The following CCDC110 variants were observed in gnomAD, a reference collection of about 807,000 sequenced individuals.
The protein encoded by CCDC110 is coiled-coil domain containing 110.
Under a neutral mutation model 77.1 loss-of-function variants are expected in CCDC110, and 70 were observed. That is an observed-to-expected ratio of 0.91 (90% CI 0.75 to 1.11). CCDC110 has a LOEUF of 1.11. Ranked by LOEUF, CCDC110 falls within the 50% of genes least tolerant of loss-of-function variation. CCDC110 has a pLI of 0.00. For missense variants in CCDC110, 868 were observed against 942.9 expected, an observed-to-expected ratio of 0.92 and a Z score of 1.04; for synonymous variants, 295 against 312.5, an observed-to-expected ratio of 0.94 and a Z score of 0.59.
chr4:185,449,532 AAAG>A, intron 6 of CCDC110: 1 of 1,108,592 alleles, frequency 9.0e-7, no homozygotes, highest in Non-Finnish European at 1.3e-6. Flanking sequence ...TAAAAAAAAA[AAAG>A]AATGTACAGG....
rs147552153 is a variant in CCDC110 at position 185,461,623 on chromosome 4, T to C, written c.238-464A>G. Among the ~76,000 whole-genome samples, 797 of 152,326 alleles carry C rather than the reference T, an allele frequency of 5.2e-3. 13 individuals carry two copies. The highest frequency in any genetic ancestry group is 0.018 in the African/African-American group (741 of 41,566). ...AGACTTCTGTTTATACTTCTCCTTA[T>C]TTCTTCTGGATGAAGCGTGGTTATG... On this transcript the variant is annotated intron_variant, in intron 4 of 6. Coordinates refer to ENST00000307588, the MANE Select transcript of CCDC110 (RefSeq NM_152775.4).
chr4:185,462,332 T>C (rs939732300), intron 4 of CCDC110, among the ~76,000 whole-genome samples: 4 of 152,196 alleles, frequency 2.6e-5, no homozygotes, highest in African/African-American at 7.2e-5. Flanking sequence ...AGTGTATTTT[T>C]TCCCTAAGCC....
chr4:185,457,190 C>A (rs763050593), intron 6 of CCDC110: 2 of 452,718 alleles, frequency 4.4e-6, no homozygotes, highest in Non-Finnish European at 4.4e-6. Context: ...AAGCTTTGGA[C>A]AGAATTCAAC....
chr4:185,471,022 A>C lies in CCDC110; in HGVS notation c.38T>G (p.Val13Gly), dbSNP rs1436543326. 6.3e-7 allele frequency: 1 copy of C among 1,589,062 alleles called. No individual in the cohort carries two copies. The highest frequency in any genetic ancestry group is 8.5e-7 in the Non-Finnish European group (1 of 1,172,854). Reference protein sequence around the residue: ...PEKQHREEDEVDSVLLSASKI... With the variant: ...PEKQHREEDEGDSVLLSASKI... ...GGACGCTGAAAGGAGAACGGAGTCAACTTCATCCTCTTCCCGGTGCTGCTT... is the reference window on the plus strand; with the variant it reads ...GGACGCTGAAAGGAGAACGGAGTCACCTTCATCCTCTTCCCGGTGCTGCTT... Residue 13 changes from valine (V) to glycine (G), a missense_variant, in exon 2 of 7, where the codon GTT (valine) becomes GGT (glycine). By Grantham distance (109) the Val-to-Gly change is moderately radical (BLOSUM62 -3). Coordinates refer to ENST00000307588, the MANE Select transcript of CCDC110 (RefSeq NM_152775.4).
rs763725786 is a variant in CCDC110 at position 185,461,102 on chromosome 4, G to T, written c.295C>A (p.Gln99Lys). ...ACCAGATTTTTTTCTGAGCTAAATT[G>T]TGGGTTTTCTACTTCAATAATACTT... ...NKSIIEVENP[Q>K]FSSEKNLVFG... The change falls in exon 5 of 7, where the codon CAA becomes AAA. Residue 99 changes from glutamine (Q) to lysine (K), a missense_variant. Coordinates refer to ENST00000307588, the MANE Select transcript of CCDC110 (RefSeq NM_152775.4). The T allele has an allele frequency of 6.2e-7, 1 of 1,601,880 alleles. No homozygotes were observed. The highest frequency in any genetic ancestry group is 8.5e-7 in the Non-Finnish European group (1 of 1,174,388).
intron 2 of CCDC110, among the ~76,000 whole-genome samples, chr4:185,465,903 T>C (rs1262058269): frequency 1.3e-5 from 2 of 152,118 alleles, no homozygotes; most frequent in Non-Finnish European, 2.9e-5. Flanking sequence ...TGAGAGCAGA[T>C]GGATGAGGGA....
intron 6 of CCDC110, among the ~76,000 whole-genome samples, chr4:185,448,825 TC>T (rs1403645647): frequency 4.6e-5 from 7 of 152,138 alleles, no homozygotes; most frequent in African/African-American, 1.7e-4. Context: ...TCCTCTTCTA[TC>T]CAGAGAATAA....
At chr4:185,448,089 C>G (rs181621748) in intron 6 of CCDC110, among the ~76,000 whole-genome samples, 2 of 151,566 alleles carry the variant, frequency 1.3e-5, no homozygotes, top group Non-Finnish European at 2.9e-5. Context: ...GGTGTGATCT[C>G]GGCTCACTGC....
At position 185,459,099 on chromosome 4, in the gene CCDC110, T is replaced by C. The variant is rs1219425079; in HGVS notation, c.1488A>G (p.Lys496=). The change falls in exon 6 of 7, where the codon AAA becomes AAG. Residue 496 remains lysine, a synonymous_variant. Transcript: ENST00000307588. ...GACACTCTTTGCTGTATTCTTCTGT[T>C]TTACTTAACTTAGACTGAATAGTAC... is the stretch of plus-strand genomic sequence containing the variant. ...EKSTIQSKLS[K]TEEYSKECLK... The C allele has an allele frequency of 6.3e-7, 1 of 1,587,906 alleles. No individual in the cohort carries two copies. Among genetic ancestry groups the C allele is most frequent in the Non-Finnish European group, 8.6e-7 (1 of 1,163,792 alleles).
In CCDC110 at chr4:185,468,311, C is replaced by T. The variant is rs538736459; in HGVS notation, c.115+2634G>A. 3.3e-5 allele frequency among the ~76,000 whole-genome samples: 5 copies of T among 152,268 alleles called. No homozygotes were observed. Among genetic ancestry groups the T allele is most frequent in the Admixed American group, 6.5e-5 (1 of 15,300 alleles). On this transcript the variant is annotated intron_variant, in intron 2 of 6. Coordinates refer to ENST00000307588, the MANE Select transcript of CCDC110 (RefSeq NM_152775.4). This position sits in a 1 kb window ranked among gnomAD's most constrained non-coding sequence, Gnocchi z 4.5. Reference sequence around the variant, plus strand: ...TAGATAAAGCCCTTACTGAGGTGTACGAGGTGTACGGCACATAGTGAATGC... The same window carrying T: ...TAGATAAAGCCCTTACTGAGGTGTATGAGGTGTACGGCACATAGTGAATGC...
In CCDC110 at chr4:185,459,445, G is replaced by A. The variant is rs2095641957; in HGVS notation, c.1142C>T (p.Thr381Ile). The A allele has an allele frequency of 1.9e-6, 3 of 1,613,264 alleles. No homozygotes were observed. The East Asian group carries it at 6.7e-5, about 36-fold the overall frequency. ...LKFHSRVPRYTLSFLDQTKHE... is the reference protein window; with the variant it reads ...LKFHSRVPRYILSFLDQTKHE... The stretch of plus-strand genomic sequence containing the variant: ...TTTTGTTTGGTCGAGGAAGGACAGT[G>A]TGTATCTTGGAACTCTGGAATGGAA... The change falls in exon 6 of 7, where the codon ACA becomes ATA. Residue 381 changes from threonine (T) to isoleucine (I), a missense_variant. By Grantham distance (89) the Thr-to-Ile change is moderately conservative. Coordinates refer to ENST00000307588, the MANE Select transcript of CCDC110 (RefSeq NM_152775.4).
chr4:185,462,981 A>C lies in CCDC110; in HGVS notation c.171+13T>G. ...CAGAATTTTGGAGATGATAAAATGG[A>C]ATATAGACTCACTTTCAATGCTGAT... On this transcript the variant is annotated intron_variant, in intron 3 of 6. Coordinates refer to ENST00000307588, the MANE Select transcript of CCDC110 (RefSeq NM_152775.4). 6.2e-7 allele frequency: 1 copy of C among 1,606,040 alleles called. No individual in the cohort carries two copies. Among genetic ancestry groups the C allele is most frequent in the South Asian group, 1.1e-5 (1 of 90,832 alleles).
At chr4:185,463,215 G>T (rs896293738) in intron 2 of CCDC110, among the ~76,000 whole-genome samples, 166 bp from the exon 3 acceptor site, 10 of 152,068 alleles carry the variant, frequency 6.6e-5, no homozygotes, top group Admixed American at 6.5e-4. Flanking sequence ...GATAATTCTC[G>T]CTTGACTTAA....
intron 2 of CCDC110, among the ~76,000 whole-genome samples, chr4:185,467,498 G>A (rs190613148): frequency 9.2e-5 from 14 of 152,132 alleles, no homozygotes; most frequent in Admixed American, 5.9e-4. Flanking sequence ...ATACAATATC[G>A]GGAGGCACAT....
At position 185,458,996 on chromosome 4, in the gene CCDC110, G is replaced by T; in HGVS notation, c.1591C>A (p.Gln531Lys). Residue 531 changes from glutamine (Q) to lysine (K), a missense_variant, in exon 6 of 7, where the codon CAA becomes AAA. By Grantham distance (53) the Gln-to-Lys change is moderately conservative. Transcript: ENST00000307588. The part of the protein sequence containing the change: ...QNKTLEEKNI[Q>K]LSLEKQQMME... ...ATTTGTTGCTTCTCTAAAGAAAGTT[G>T]TATATTTTTTTCCTCTAGAGTTTTA... is the stretch of plus-strand genomic sequence containing the variant. The T allele has an allele frequency of 6.2e-7, 1 of 1,600,826 alleles. No homozygotes were observed.
intron 6 of CCDC110, among the ~76,000 whole-genome samples, chr4:185,456,305 AAATGAAAACATACCAGACTCTGTG>A (rs1254472576): frequency 2.0e-5 from 3 of 152,242 alleles, no homozygotes; most frequent in Non-Finnish European, 2.9e-5. Flanking sequence ...AACTGAATGA[AAATGAAAACATACCAGACTCTGTG>A]ATGCTATTAA....
At chr4:185,457,133 A>AATTAAAATAC in intron 6 of CCDC110, 1 of 402,018 alleles carries the variant, frequency 2.5e-6, no homozygotes, top group South Asian at 1.9e-5. Context: ...TACCATATTA[A>AATTAAAATAC]CAGATTAAAG....
At chr4:185,465,771 G>C (rs1403881286) in intron 2 of CCDC110, among the ~76,000 whole-genome samples, 1 of 152,186 alleles carries the variant, frequency 6.6e-6, no homozygotes, top group Non-Finnish European at 1.5e-5. Flanking sequence ...CTAGAATGGT[G>C]GTGGGGGAGG....
At chr4:185,457,781 G>A in intron 6 of CCDC110, 1 of 1,444,884 alleles carries the variant, frequency 6.9e-7, no homozygotes, top group African/African-American at 1.5e-5. Flanking sequence ...TATATATCTT[G>A]GATGGAAGCA....
Sources: allele counts gnomAD v4.1 joint callset (sites outside exome capture counted in the v4.1 genomes callset), GRCh38; gene constraint gnomAD v4.1.1; non-coding constraint Gnocchi (gnomAD v3.1); transcripts MANE v1.5; gene names NCBI Gene and HGNC (gene_info 2026-07-23, HGNC 2026-07-21).